Variants in ANKRD11 observed in about 807,000 individuals in gnomAD.
ANKRD11 encodes the protein ankyrin repeat domain-containing protein 11.
In ANKRD11, 17 loss-of-function variants were observed where a neutral mutation model predicts 195.7. That is an observed-to-expected ratio of 0.09 (90% CI 0.06 to 0.13). The LOEUF (loss-of-function observed/expected upper bound fraction) is 0.13. Ranked by LOEUF, ANKRD11 falls within the 10% of genes least tolerant of loss-of-function variation. The pLI is 1.00. For synonymous variants in ANKRD11, 1,953 were observed against 1,528.1 expected, an observed-to-expected ratio of 1.28 and a Z score of -6.49; for missense variants, 3,735 against 3,566.1, an observed-to-expected ratio of 1.05 and a Z score of -1.21.
At chr16:89,472,808 G>A (rs1362178905) in intron 1 of ANKRD11, among the ~76,000 whole-genome samples, 1 of 152,188 alleles carries the variant, frequency 6.6e-6, no homozygotes, top group Non-Finnish European at 1.5e-5. Context: ...ACCACAGAGG[G>A]GAGCAGAGAG....
In ANKRD11 at chr16:89,284,873, G is replaced by C. The variant is rs1372321169; in HGVS notation, c.1669C>G (p.Pro557Ala). 1.2e-6 allele frequency: 2 copies of C among 1,613,988 alleles called. No individual in the cohort carries two copies. Among genetic ancestry groups the C allele is most frequent in the Non-Finnish European group, 1.7e-6 (2 of 1,180,052 alleles). The change falls in exon 9 of 13, where the codon CCG becomes GCG. Residue 557 changes from proline (P) to alanine (A), a missense_variant. Pro to Ala is a conservative substitution (Grantham distance 27). Coordinates refer to ENST00000301030, the MANE Select transcript of ANKRD11 (RefSeq NM_013275.6). Reference protein sequence around the residue: ...RTDNWKTISSPAWSEVSSLSD... With the variant: ...RTDNWKTISSAAWSEVSSLSD... The stretch of plus-strand genomic sequence containing the variant: ...AAAGAACTGACCTCTGACCAAGCCG[G>C]GGAAGAAATGGTTTTCCAATTGTCT...
intron 2 of ANKRD11, among the ~76,000 whole-genome samples, chr16:89,339,272 G>C (rs2038537353): frequency 6.6e-6 from 1 of 152,256 alleles, no homozygotes; most frequent in South Asian, 2.1e-4. Flanking sequence ...TTAGGCAATA[G>C]AACGACCTAG....
intron 1 of ANKRD11, among the ~76,000 whole-genome samples, chr16:89,467,253 T>C (rs1368281435): frequency 1.7e-5 from 2 of 115,410 alleles, no homozygotes; most frequent in Non-Finnish European, 3.5e-5. Flanking sequence ...GCAACATGGC[T>C]AAACCCCATC....
At chr16:89,485,060 G>A (rs2057561128) in intron 1 of ANKRD11, among the ~76,000 whole-genome samples, 1 of 138,080 alleles carries the variant, frequency 7.2e-6, no homozygotes, top group South Asian at 2.5e-4. Flanking sequence ...CCAGAAGACT[G>A]GATTTTCACT....
In ANKRD11 at chr16:89,284,333, C is replaced by G; in HGVS notation, c.2209G>C (p.Asp737His). The change falls in exon 9 of 13, where the codon GAC becomes CAC. Residue 737 changes from aspartate to histidine, a missense_variant. Coordinates refer to ENST00000301030, the MANE Select transcript of ANKRD11 (RefSeq NM_013275.6). The part of the protein sequence containing the change: ...DISRSFREEK[D>H]RSNKAEKERS... ...TCCTTTTCTGCTTTATTCGAACGGT[C>G]TTTCTCTTCTCGGAAAGACCTGCTG... The G allele has an allele frequency of 7.4e-6, 12 of 1,613,882 alleles. No individual in the cohort carries two copies. Among genetic ancestry groups the G allele is most frequent in the Non-Finnish European group, 7.6e-6 (9 of 1,180,018 alleles).
chr16:89,307,477 C>T (rs1045913744), intron 3 of ANKRD11, among the ~76,000 whole-genome samples: 2 of 152,184 alleles, frequency 1.3e-5, no homozygotes, highest in African/African-American at 2.4e-5. Context: ...CCAAGCAGAC[C>T]GGAGCCCACC....
rs1161693379 is a variant in ANKRD11 at position 89,440,520 on chromosome 16, G to T, written c.-144-22152C>A. Among the ~76,000 whole-genome samples, 8 of 152,360 alleles carry T rather than the reference G, an allele frequency of 5.3e-5. No homozygotes were observed. The South Asian group carries it at 8.3e-4, about 16-fold the overall frequency. ...AGTCCCAGGCACTCAGGAGGCTGAG[G>T]TGGGAGAATTGCTTGAGACCAGGAG... is the stretch of plus-strand genomic sequence containing the variant. On this transcript the variant is annotated intron_variant, in intron 1 of 12. Coordinates refer to ENST00000301030, the MANE Select transcript of ANKRD11 (RefSeq NM_013275.6).
At chr16:89,311,854 C>G (rs1026534963) in intron 3 of ANKRD11, among the ~76,000 whole-genome samples, 15 of 152,104 alleles carry the variant, frequency 9.9e-5, no homozygotes, top group Non-Finnish European at 2.9e-5. Flanking sequence ...GAAGTTTTTG[C>G]TTTATTCTAA....
At chr16:89,483,228 C>T (rs1016965430) in intron 1 of ANKRD11, among the ~76,000 whole-genome samples, 23 of 152,180 alleles carry the variant, frequency 1.5e-4, no homozygotes, top group African/African-American at 5.1e-4. Context: ...GACAGATTTT[C>T]TCCTCAACTC....
At chr16:89,324,558 G>A (rs1011649150) in intron 2 of ANKRD11, 8 of 455,436 alleles carry the variant, frequency 1.8e-5, no homozygotes, top group African/African-American at 6.0e-5. Context: ...GGGAGAGGCC[G>A]ACGAACCCTC....
chr16:89,343,237 C>G (rs563448970), intron 2 of ANKRD11, among the ~76,000 whole-genome samples: 2 of 152,228 alleles, frequency 1.3e-5, no homozygotes, highest in African/African-American at 4.8e-5. Context: ...GAGTGATCCA[C>G]CCAGCTCGGC....
intron 2 of ANKRD11, among the ~76,000 whole-genome samples, chr16:89,332,129 A>C (rs1245410580): frequency 3.3e-5 from 5 of 151,156 alleles, no homozygotes; most frequent in African/African-American, 1.2e-4. Context: ...CTCCATATTA[A>C]AAAAAAAAGA....
At chr16:89,300,850 T>C (rs2035808713) in intron 4 of ANKRD11, 2 of 701,914 alleles carry the variant, frequency 2.8e-6, no homozygotes, top group East Asian at 5.4e-5. Context: ...TCATAATTTT[T>C]CCCCTTGTTC....
chr16:89,308,618 G>A (rs151120240), intron 3 of ANKRD11, among the ~76,000 whole-genome samples: 6 of 152,310 alleles, frequency 3.9e-5, no homozygotes, highest in African/African-American at 7.2e-5. Context: ...CCCAGCAAAC[G>A]CCCGGGAGGC....
intron 4 of ANKRD11, among the ~76,000 whole-genome samples, chr16:89,292,657 C>G (rs1465307044): frequency 6.6e-6 from 1 of 152,268 alleles, no homozygotes; most frequent in Non-Finnish European, 1.5e-5. Flanking sequence ...CCACCACCAG[C>G]TAGTCTGTAA....
chr16:89,373,764 G>C (rs1333761627), intron 2 of ANKRD11, among the ~76,000 whole-genome samples: 1 of 152,140 alleles, frequency 6.6e-6, no homozygotes, highest in African/African-American at 2.4e-5. Flanking sequence ...CACCTACCTG[G>C]GATCCCCCAA....
Position 89,418,272 on chromosome 16 carries a change from G to A in ANKRD11, c.-60+12C>T, listed in dbSNP as rs1167311921. 2.2e-6 allele frequency: 1 copy of A among 453,910 alleles called. No homozygotes were observed. Among genetic ancestry groups the A allele is most frequent in the Non-Finnish European group, 4.4e-6 (1 of 226,650 alleles). The allele number at this position is 453,910 out of a possible 1,614,324, so 28.1% of individuals were successfully genotyped here. A position where few individuals can be genotyped will look rare whatever the true frequency, so the allele number is the denominator to read the frequency against. On this transcript the variant is annotated intron_variant, in intron 2 of 12. Coordinates refer to ENST00000301030, the MANE Select transcript of ANKRD11 (RefSeq NM_013275.6). ...AAAACATAAATTGATAGAGAATGCA[G>A]TGAGTATTTACCGATTCCATAGCTG...
intron 2 of ANKRD11, among the ~76,000 whole-genome samples, chr16:89,330,578 C>T (rs1437179106): frequency 6.8e-6 from 1 of 147,316 alleles, no homozygotes; most frequent in Non-Finnish European, 1.5e-5. Context: ...GCCACGGCAC[C>T]TCTGTGACCT....
rs752743410 is a variant in ANKRD11, at chr16:89,283,945, C to T, written c.2597G>A (p.Arg866Lys). The change falls in exon 9 of 13, where the codon AGG (arginine) becomes AAG (lysine). Residue 866 changes from arginine (R) to lysine (K), a missense_variant. By Grantham distance (26) the Arg-to-Lys change is conservative. Coordinates refer to ENST00000301030, the MANE Select transcript of ANKRD11 (RefSeq NM_013275.6). The surrounding 1 kb of genome is among the most constrained non-coding windows in gnomAD (Gnocchi z 4.3). ...GGCCACAGAGTCGCTCTTCATGTCC[C>T]TGTAGTCTGTCACTGGCGAGTCCCA... ...DSWDSPVTDY[R>K]DMKSDSVAKL... 1.9e-6 allele frequency: 3 copies of T among 1,614,190 alleles called. No individual in the cohort carries two copies. The Admixed American group carries it at 5.0e-5, about 27-fold the overall frequency.
Sources: gnomAD v4.1 joint callset for allele counts (sites outside exome capture counted in the v4.1 genomes callset) on GRCh38, gnomAD v4.1.1 for gene constraint, Gnocchi (gnomAD v3.1) non-coding constraint, MANE v1.5 for transcripts, NCBI Gene and HGNC (gene_info 2026-07-23, HGNC 2026-07-21) for gene names.